PALLD: variants seen among roughly 807,000 people sequenced by gnomAD.
The protein encoded by PALLD is palladin, cytoskeletal associated protein, also known as palladin.
Under a neutral mutation model 123.5 loss-of-function variants are expected in PALLD, and 61 were observed. The observed-to-expected ratio is 0.49, with a 90% CI of 0.40 to 0.61. The LOEUF is 0.61. PALLD is among the 20% of genes least tolerant of loss of function. The pLI is 0.00. For synonymous variants in PALLD, 465 were observed against 496.4 expected (o/e 0.94, Z 0.84); for missense variants, 1,273 against 1,377.0 (o/e 0.92, Z 1.20).
At chr4:168,520,760 C>A (rs1763486633) in intron 2 of PALLD, among the ~76,000 whole-genome samples, 1 of 152,172 alleles carries the variant, frequency 6.6e-6, no homozygotes, top group South Asian at 2.1e-4. Flanking sequence ...ACCCATAACA[C>A]CATGATGTTA....
chr4:168,797,755 A>G (rs1261404483), intron 10 of PALLD, among the ~76,000 whole-genome samples: 1 of 152,140 alleles, frequency 6.6e-6, no homozygotes, highest in African/African-American at 2.4e-5. Context: ...TTGAACACAC[A>G]GCTGATTTAG....
Position 168,810,657 on chromosome 4 carries a change from A to G in PALLD, c.1965-80265A>G, listed in dbSNP as rs1342209506. 2.3e-5 allele frequency among the ~76,000 whole-genome samples: 3 copies of G among 130,910 alleles called. No homozygotes were observed. The East Asian group carries it at 6.1e-4, about 26-fold the overall frequency. 85.9% of individuals were successfully genotyped at this position (130,910 alleles called of 152,430 possible). On this transcript the variant is annotated intron_variant, in intron 10 of 21. Transcript: ENST00000505667. The stretch of plus-strand genomic sequence containing the variant: ...AAACTCTGTCTCAAAAAAAAAAAAA[A>G]GAAGGCCGGGCGTGGTGGCTCACGC...
intron 9 of PALLD, among the ~76,000 whole-genome samples, chr4:168,711,303 A>G (rs1160564502): frequency 3.3e-5 from 5 of 152,204 alleles, no homozygotes; most frequent in African/African-American, 9.6e-5. Flanking sequence ...GCCAAGTTCT[A>G]TCTTTAGCTC....
chr4:168,918,897 G>T (rs1295190082), intron 17 of PALLD, among the ~76,000 whole-genome samples: 1 of 152,034 alleles, frequency 6.6e-6, no homozygotes, highest in East Asian at 1.9e-4. Context: ...TTATACCAAA[G>T]AATTATTAAT....
chr4:168,807,628 C>G (rs1740423390), intron 10 of PALLD, among the ~76,000 whole-genome samples: 2 of 151,808 alleles, frequency 1.3e-5, no homozygotes, highest in Admixed American at 6.6e-5. Context: ...AGGCTGGTCT[C>G]AAACTCCTGA....
At chr4:168,926,071 G>A (rs1394607648) in intron 21 of PALLD, 142 bp from the exon 22 acceptor site, 2 of 637,892 alleles carry the variant, frequency 3.1e-6, no homozygotes, top group African/African-American at 1.8e-5. Flanking sequence ...ATGCAAAAGT[G>A]TTCCTAAATT....
intron 2 of PALLD, among the ~76,000 whole-genome samples, chr4:168,616,193 C>T (rs1406850179): frequency 2.0e-5 from 3 of 152,142 alleles, no homozygotes; most frequent in African/African-American, 7.2e-5. Flanking sequence ...TTCTCTTTAA[C>T]TCTAACTTGT....
chr4:168,834,463 G>T (rs1361995039), intron 10 of PALLD, among the ~76,000 whole-genome samples: 1 of 152,130 alleles, frequency 6.6e-6, no homozygotes, highest in Non-Finnish European at 1.5e-5. Context: ...AATAGGCCGG[G>T]CATAGAGACT....
rs562757381 is a variant in PALLD, at chr4:168,592,987, G to A, written c.909-75203G>A. 1.8e-3 allele frequency among the ~76,000 whole-genome samples: 273 copies of A among 150,966 alleles called. 2 individuals are homozygous for A. Among genetic ancestry groups the A allele is most frequent in the Non-Finnish European group, 3.0e-3 (202 of 67,794 alleles). On this transcript the variant is annotated intron_variant, in intron 2 of 21. Coordinates refer to ENST00000505667, the MANE Select transcript of PALLD (RefSeq NM_001166108.2). ...GGCTTTGCTCCTGAGATTTATAGTG[G>A]AATAAAATGCAATGTCATTTGCCTC...
intron 1 of PALLD, among the ~76,000 whole-genome samples, chr4:168,502,890 T>C (rs1051753854): frequency 7.2e-5 from 11 of 152,100 alleles, no homozygotes; most frequent in Non-Finnish European, 1.3e-4. Flanking sequence ...GGAGACAGAA[T>C]GAGACCCTCA....
chr4:168,647,121 A>G (rs965775172), intron 2 of PALLD, among the ~76,000 whole-genome samples: 8 of 152,240 alleles, frequency 5.3e-5, no homozygotes, highest in East Asian at 1.9e-4. Context: ...ACCAGTTTCA[A>G]AGATGCTACA....
intron 3 of PALLD, among the ~76,000 whole-genome samples, chr4:168,677,631 C>G (rs1780992790): frequency 6.6e-6 from 1 of 152,082 alleles, no homozygotes. Flanking sequence ...CACCCCTCCC[C>G]TTCTCCTAAA....
intron 10 of PALLD, among the ~76,000 whole-genome samples, chr4:168,714,928 A>C (rs1367885341): frequency 6.6e-6 from 1 of 152,154 alleles, no homozygotes; most frequent in Non-Finnish European, 1.5e-5. Context: ...AAGAAAAAAA[A>C]AATTCAAGAA....
chr4:168,880,917 TC>T (rs1479609521), intron 10 of PALLD, among the ~76,000 whole-genome samples: 1 of 152,236 alleles, frequency 6.6e-6, no homozygotes, highest in East Asian at 1.9e-4. Context: ...TCTTTTCTTT[TC>T]TTTTTTTCTG....
rs1491537610 is a variant in PALLD, at chr4:168,917,049, G to GGTTT, written c.2850+1022_2850+1023insGTTT. ...CAGCAGGGCTTTTTGTTTTTTTGGG[G>GGTTT]TTTTTTTTTTTTTTTTTGAGACGGA... On this transcript the variant is annotated intron_variant, in intron 17 of 21. Transcript: ENST00000505667. Among the ~76,000 whole-genome samples the GGTTT allele has an allele frequency of 3.2e-5, 4 of 124,890 alleles. 1 individual carries two copies. The highest frequency in any genetic ancestry group is 1.3e-4 in the African/African-American group (4 of 31,188). The allele number at this position is 124,890 out of a possible 152,430, so 81.9% of individuals were successfully genotyped here. A position where few individuals can be genotyped will look rare whatever the true frequency, so the allele number is the denominator to read the frequency against.
At chr4:168,904,441 G>C (rs991139797) in intron 15 of PALLD, among the ~76,000 whole-genome samples, 4 of 152,148 alleles carry the variant, frequency 2.6e-5, no homozygotes, top group African/African-American at 9.7e-5. Context: ...TTTGCCTTTA[G>C]ACTTAGGGTC....
At position 168,511,668 on chromosome 4, in the gene PALLD, C is replaced by A. The variant is rs1554032915; in HGVS notation, c.164C>A (p.Thr55Lys). The A allele has an allele frequency of 3.7e-6, 6 of 1,614,152 alleles. No individual in the cohort carries two copies. The highest frequency in any genetic ancestry group is 4.2e-6 in the Non-Finnish European group (5 of 1,180,020). ...LARRAIADSE[T>K]EDFDSEKEIS... ...CGGAGAGCCATAGCCGACTCCGAAA[C>A]AGAAGATTTTGACTCGGAAAAGGAG... Residue 55 changes from threonine (T) to lysine (K), a missense_variant, in exon 2 of 22, where the codon ACA (threonine) becomes AAA (lysine). Physicochemically the swap from Thr to Lys is moderately conservative, Grantham distance 78. Coordinates refer to ENST00000505667, the MANE Select transcript of PALLD (RefSeq NM_001166108.2).
chr4:168,756,322 A>G, intron 10 of PALLD: 1 of 232,494 alleles, frequency 4.3e-6, no homozygotes, highest in Non-Finnish European at 9.0e-6. Context: ...AAACCAGGAT[A>G]TCAGAACATT....
chr4:168,503,501 G>T (rs1380676314), intron 1 of PALLD, among the ~76,000 whole-genome samples: 1 of 152,038 alleles, frequency 6.6e-6, no homozygotes, highest in Non-Finnish European at 1.5e-5. Context: ...ACAAAAATTA[G>T]CCGGGCATGG....
Sources: allele counts gnomAD v4.1 joint callset (sites outside exome capture counted in the v4.1 genomes callset), GRCh38; gene constraint gnomAD v4.1.1; transcripts MANE v1.5; gene names NCBI Gene and HGNC (gene_info 2026-07-23, HGNC 2026-07-21).